Variants in KCND2 observed in about 807,000 individuals in gnomAD.
KCND2 encodes potassium voltage-gated channel subfamily D member 2.
KCND2 carries 16 observed loss-of-function variants against 54.4 expected under a neutral mutation model. The ratio of observed to expected loss-of-function variants is 0.29; its 90% confidence interval spans 0.20 to 0.45. The LOEUF is 0.45. Ranked by LOEUF, KCND2 falls within the 20% of genes least tolerant of loss-of-function variation. The pLI is 1.00. For synonymous variants in KCND2, 317 were observed against 310.7 expected (o/e 1.02, Z -0.21); for missense variants, 486 against 824.2 (o/e 0.59, Z 5.02).
chr7:120,572,611 A>G (rs1343789453), intron 1 of KCND2, among the ~76,000 whole-genome samples: 2 of 152,096 alleles, frequency 1.3e-5, no homozygotes, highest in Middle Eastern at 3.2e-3. Flanking sequence ...TCCAACTCCC[A>G]AGTTCAAGTG....
chr7:120,504,057 G>C lies in KCND2; in HGVS notation c.1115+228310G>C, dbSNP rs139740911. Among the ~76,000 whole-genome samples, 126 of 152,012 alleles carry C rather than the reference G, an allele frequency of 8.3e-4. No individual in the cohort carries two copies. In the Middle Eastern group the frequency reaches 0.01, roughly 12 times the overall value. ...AATAAATAATGAAAGAGATTTGTTA[G>C]TTCAGATCTTCAAGATCTGATTCTT... On this transcript the variant is annotated intron_variant, in intron 1 of 5. Coordinates refer to ENST00000331113, the MANE Select transcript of KCND2 (RefSeq NM_012281.3).
intron 1 of KCND2, among the ~76,000 whole-genome samples, chr7:120,430,290 A>G (rs1801770721): frequency 6.6e-6 from 1 of 151,974 alleles, no homozygotes; most frequent in Non-Finnish European, 1.5e-5. Context: ...TTCTTCTTAT[A>G]AGGACACCAG....
intron 1 of KCND2, among the ~76,000 whole-genome samples, chr7:120,459,166 C>T (rs1802244772): frequency 6.6e-6 from 1 of 152,082 alleles, no homozygotes; most frequent in African/African-American, 2.4e-5. Flanking sequence ...AATCTGGCCT[C>T]AGTTGCCTCC....
chr7:120,481,449 A>G (rs1802606227), intron 1 of KCND2, among the ~76,000 whole-genome samples: 1 of 152,192 alleles, frequency 6.6e-6, no homozygotes, highest in Non-Finnish European at 1.5e-5. Context: ...AAAAGGAAAT[A>G]CTAGGTATTA....
rs542002344 is a variant in KCND2, at chr7:120,613,801, T to C, written c.1116-119102T>C. The stretch of plus-strand genomic sequence containing the variant: ...ATTGTTAAGATGCCTAAATGGTAGC[T>C]CCCACTTCCTCGCAAATATACTAAC... On this transcript the variant is annotated intron_variant, in intron 1 of 5. Transcript: ENST00000331113. Among the ~76,000 whole-genome samples, 44 of 152,234 alleles carry C rather than the reference T, an allele frequency of 2.9e-4. 1 individual carries two copies. Among genetic ancestry groups the C allele is most frequent in the Non-Finnish European group, 8.8e-5 (6 of 68,008 alleles).
chr7:120,412,137 G>A (rs757867484), intron 1 of KCND2, among the ~76,000 whole-genome samples: 3 of 151,980 alleles, frequency 2.0e-5, no homozygotes, highest in Non-Finnish European at 4.4e-5. Context: ...ACAATAAAGG[G>A]ACTGATTTAT....
intron 1 of KCND2, among the ~76,000 whole-genome samples, chr7:120,471,910 T>A (rs1002018002): frequency 1.3e-5 from 2 of 151,940 alleles, no homozygotes; most frequent in African/African-American, 4.8e-5. Flanking sequence ...GGTGATGGTA[T>A]CATGAATGGA....
chr7:120,358,814 T>C (rs1800546899), intron 1 of KCND2, among the ~76,000 whole-genome samples: 1 of 152,212 alleles, frequency 6.6e-6, no homozygotes, highest in Non-Finnish European at 1.5e-5. Flanking sequence ...TTTGATAATA[T>C]GCTATCTTGT....
chr7:120,505,608 G>C (rs1028795648), intron 1 of KCND2, among the ~76,000 whole-genome samples: 3 of 151,680 alleles, frequency 2.0e-5, no homozygotes, highest in Admixed American at 1.3e-4. Context: ...CTTTTAATAT[G>C]ATCTCTTGCC....
intron 1 of KCND2, among the ~76,000 whole-genome samples, chr7:120,474,905 G>T (rs1181646282): frequency 6.6e-6 from 1 of 151,902 alleles, no homozygotes; most frequent in Non-Finnish European, 1.5e-5. Flanking sequence ...TAAAGAGATG[G>T]AGTCTTGCTA....
intron 1 of KCND2, among the ~76,000 whole-genome samples, chr7:120,509,052 G>A (rs1176948394): frequency 1.3e-5 from 2 of 151,818 alleles, no homozygotes; most frequent in Admixed American, 1.3e-4. Context: ...TGGGAAGGAG[G>A]TATTACTGCC....
intron 1 of KCND2, among the ~76,000 whole-genome samples, chr7:120,553,415 A>T (rs1167023948): frequency 6.6e-6 from 1 of 152,204 alleles, no homozygotes; most frequent in Non-Finnish European, 1.5e-5. Flanking sequence ...CATTTTTCTT[A>T]TCCATTCATC....
chr7:120,449,743 C>G (rs899967476), intron 1 of KCND2, among the ~76,000 whole-genome samples: 4 of 152,294 alleles, frequency 2.6e-5, no homozygotes, highest in African/African-American at 9.6e-5. Context: ...CTGCCACTCA[C>G]TCTATAATTT....
chr7:120,289,283 C>G (rs1799399507), intron 1 of KCND2, among the ~76,000 whole-genome samples: 1 of 151,872 alleles, frequency 6.6e-6, no homozygotes, highest in Non-Finnish European at 1.5e-5. Flanking sequence ...TGCCACATTT[C>G]AATTCTCATT....
intron 1 of KCND2, among the ~76,000 whole-genome samples, chr7:120,387,854 T>G (rs1328910179): frequency 6.6e-6 from 1 of 152,000 alleles, no homozygotes; most frequent in African/African-American, 2.4e-5. Flanking sequence ...AAATATATTA[T>G]TGCTACCACT....
At chr7:120,614,758 G>C (rs941539091) in intron 1 of KCND2, among the ~76,000 whole-genome samples, 1 of 152,088 alleles carries the variant, frequency 6.6e-6, no homozygotes, top group Non-Finnish European at 1.5e-5. Flanking sequence ...ACATTACTTT[G>C]TATTAAAATG....
intron 1 of KCND2, among the ~76,000 whole-genome samples, chr7:120,326,814 C>T (rs908369096): frequency 3.9e-5 from 6 of 152,164 alleles, no homozygotes; most frequent in African/African-American, 1.4e-4. Context: ...ATAACCTTTA[C>T]TGCTAACAGT....
At chr7:120,742,831 T>C (rs1290758574) in intron 4 of KCND2, among the ~76,000 whole-genome samples, 2 of 152,328 alleles carry the variant, frequency 1.3e-5, no homozygotes, top group Non-Finnish European at 2.9e-5. Flanking sequence ...TATTCTTAGC[T>C]GCTGTCTTAA....
chr7:120,349,588 C>T (rs1800373056), intron 1 of KCND2, among the ~76,000 whole-genome samples: 1 of 152,056 alleles, frequency 6.6e-6, no homozygotes, highest in African/African-American at 2.4e-5. Context: ...TCAGATTTGA[C>T]CTGCTGCTAA....
Sources: allele counts gnomAD v4.1 joint callset (sites outside exome capture counted in the v4.1 genomes callset), GRCh38; gene constraint gnomAD v4.1.1; transcripts MANE v1.5; gene names NCBI Gene and HGNC (gene_info 2026-07-23, HGNC 2026-07-21).